Variants in PRDM16 observed in about 807,000 individuals in gnomAD.
The protein encoded by PRDM16 is histone-lysine N-methyltransferase PRDM16.
PRDM16 carries 23 observed loss-of-function variants against 110.6 expected under a neutral mutation model. The observed-to-expected ratio is 0.21, with a 90% CI of 0.15 to 0.29. The LOEUF is 0.29. PRDM16 is among the 10% of genes least tolerant of loss of function. The pLI is 1.00. For synonymous variants in PRDM16, 799 were observed against 781.8 expected (o/e 1.02, Z -0.37); for missense variants, 1,615 against 1,794.3 (o/e 0.90, Z 1.81).
intron 3 of PRDM16, among the ~76,000 whole-genome samples, chr1:3,277,916 A>G (rs541623620): frequency 1.3e-5 from 2 of 152,350 alleles, no homozygotes; most frequent in African/African-American, 2.4e-5. Context: ...ACTCATGCAC[A>G]TGAGCACACG....
chr1:3,129,461 G>A (rs575909022), intron 1 of PRDM16, among the ~76,000 whole-genome samples: 6 of 152,132 alleles, frequency 3.9e-5, no homozygotes, highest in African/African-American at 1.4e-4. Flanking sequence ...GTCTGTGTGT[G>A]CATGTGTGTG....
intron 3 of PRDM16, among the ~76,000 whole-genome samples, chr1:3,284,476 C>G (rs1366677203): frequency 6.6e-6 from 1 of 152,140 alleles, no homozygotes; most frequent in African/African-American, 2.4e-5. Context: ...TCCCGGTGGC[C>G]TAGGAGTCTG....
At chr1:3,193,128 G>A (rs1415482903) in intron 2 of PRDM16, among the ~76,000 whole-genome samples, 1 of 152,122 alleles carries the variant, frequency 6.6e-6, no homozygotes, top group Non-Finnish European at 1.5e-5. Context: ...ACAGCGGCCA[G>A]ACGACGAGTA....
intron 3 of PRDM16, among the ~76,000 whole-genome samples, chr1:3,256,150 A>G (rs1169767169): frequency 6.6e-6 from 1 of 152,202 alleles, no homozygotes. Context: ...ATAAGAGAAG[A>G]TAAACTGGCC....
chr1:3,074,292 A>T (rs1364610767), intron 1 of PRDM16, among the ~76,000 whole-genome samples: 1 of 152,200 alleles, frequency 6.6e-6, no homozygotes, highest in Non-Finnish European at 1.5e-5. Flanking sequence ...TTGGGAGGGC[A>T]CACAGCAGAT....
At chr1:3,078,040 CT>C (rs990420636) in intron 1 of PRDM16, among the ~76,000 whole-genome samples, 6 of 39,202 alleles carry the variant, frequency 1.5e-4, no homozygotes, top group Non-Finnish European at 2.4e-4. Flanking sequence ...CTCCTCTGTC[CT>C]TGCCTCTGTC....
At chr1:3,133,149 G>A (rs10909882) in intron 1 of PRDM16, 12,628 of 152,308 alleles carry the variant, frequency 0.083, 1,265 homozygotes, top group African/African-American at 0.23. Context: ...GGTGGTAACC[G>A]GCTTCTGGTG....
rs533303044 is a variant in PRDM16, at chr1:3,148,992, C to A, written c.38-37133C>A. Among the ~76,000 whole-genome samples the A allele has an allele frequency of 4.5e-4, 69 of 152,296 alleles. No homozygotes were observed. Among genetic ancestry groups the A allele is most frequent in the Admixed American group, 7.8e-4 (12 of 15,298 alleles). Reference sequence around the variant, plus strand: ...AGGGGGGTCATGGGAGCCCCCCATCCCAGGGGCCCTCCGGCTTTGGCCACC... The same window carrying A: ...AGGGGGGTCATGGGAGCCCCCCATCACAGGGGCCCTCCGGCTTTGGCCACC... On this transcript the variant is annotated intron_variant, in intron 1 of 16. Transcript: ENST00000270722. This position sits in a 1 kb window ranked among gnomAD's most constrained non-coding sequence, Gnocchi z 5.0.
chr1:3,242,901 G>A (rs769084578), intron 2 of PRDM16, among the ~76,000 whole-genome samples: 1 of 152,164 alleles, frequency 6.6e-6, no homozygotes, highest in Non-Finnish European at 1.5e-5. Context: ...ATACTCGACC[G>A]TGCATGGCCA....
At chr1:3,332,891 C>G (rs2100492231) in intron 3 of PRDM16, among the ~76,000 whole-genome samples, 1 of 152,344 alleles carries the variant, frequency 6.6e-6, no homozygotes, top group South Asian at 2.1e-4. Context: ...CCTGGCTTCT[C>G]TCACTACGCA....
chr1:3,173,218 T>C (rs1369497841), intron 1 of PRDM16, among the ~76,000 whole-genome samples: 2 of 152,146 alleles, frequency 1.3e-5, no homozygotes, highest in Admixed American at 1.3e-4. Context: ...GGAAGTGGTA[T>C]ATTAACCAAG....
chr1:3,191,424 C>G (rs1638307265), intron 2 of PRDM16, among the ~76,000 whole-genome samples: 1 of 152,174 alleles, frequency 6.6e-6, no homozygotes, highest in African/African-American at 2.4e-5. Flanking sequence ...TCCCCAGAGC[C>G]CACTGAGAGC....
rs1277253250 is a variant in PRDM16 at position 3,425,476 on chromosome 1, C to T, written c.2940-105C>T. The T allele has an allele frequency of 1.1e-5, 14 of 1,255,474 alleles. No homozygotes were observed. The highest frequency in any genetic ancestry group is 4.7e-5 in the East Asian group (2 of 42,204). 77.8% of individuals were successfully genotyped at this position (1,255,474 alleles called of 1,614,324 possible). A position where few individuals can be genotyped will look rare whatever the true frequency, so the allele number is the denominator to read the frequency against. On this transcript the variant is annotated intron_variant, in intron 12 of 16. Transcript: ENST00000270722. This position sits in a 1 kb window ranked among gnomAD's most constrained non-coding sequence, Gnocchi z 6.9. ...GGACACGGCGGGGCAAAGCTGTGCACGGGGCACGGGGCAGGGGCGCGGGCT... is the reference window on the plus strand; with the variant it reads ...GGACACGGCGGGGCAAAGCTGTGCATGGGGCACGGGGCAGGGGCGCGGGCT...
Position 3,241,013 on chromosome 1 carries a change from T to C in PRDM16, c.388-3074T>C, listed in dbSNP as rs1639659387. Reference sequence around the variant, plus strand: ...ATCGAGGAGCCAGCGGCGCGTGTGCTGAGGGCCCAGCTAGCAAAATAAAGA... The same window carrying C: ...ATCGAGGAGCCAGCGGCGCGTGTGCCGAGGGCCCAGCTAGCAAAATAAAGA... On this transcript the variant is annotated intron_variant, in intron 2 of 16. Coordinates refer to ENST00000270722, the MANE Select transcript of PRDM16 (RefSeq NM_022114.4). Among the ~76,000 whole-genome samples the C allele has an allele frequency of 2.0e-5, 3 of 152,358 alleles. No homozygotes were observed. In the South Asian group the frequency reaches 6.2e-4, roughly 32 times the overall value.
chr1:3,362,508 G>T (rs1282756854), intron 3 of PRDM16, among the ~76,000 whole-genome samples: 1 of 152,144 alleles, frequency 6.6e-6, no homozygotes, highest in African/African-American at 2.4e-5. Context: ...CAGCAGGGTG[G>T]GGCTCGGGTG....
intron 2 of PRDM16, among the ~76,000 whole-genome samples, chr1:3,235,134 C>T (rs866790980): frequency 6.6e-6 from 1 of 152,240 alleles, no homozygotes; most frequent in African/African-American, 2.4e-5. Flanking sequence ...GCCCTGCCTG[C>T]AGGTCCTGGG....
intron 1 of PRDM16, among the ~76,000 whole-genome samples, chr1:3,108,659 G>A (rs1569572424): frequency 6.6e-6 from 1 of 152,192 alleles, no homozygotes. Flanking sequence ...ACAGAGAGAT[G>A]GTGCCTCTGG....
At chr1:3,264,752 G>A (rs540671783) in intron 3 of PRDM16, among the ~76,000 whole-genome samples, 11 of 152,030 alleles carry the variant, frequency 7.2e-5, no homozygotes, top group Non-Finnish European at 1.5e-4. Context: ...AGTCCCTGGG[G>A]TGCTGACAGG....
intron 3 of PRDM16, among the ~76,000 whole-genome samples, chr1:3,354,617 C>T (rs1642557245): frequency 6.6e-6 from 1 of 152,160 alleles, no homozygotes; most frequent in African/African-American, 2.4e-5. Flanking sequence ...CCACCTTCTC[C>T]AGGCTGGGGT....
Sources: allele counts gnomAD v4.1 joint callset (sites outside exome capture counted in the v4.1 genomes callset), GRCh38; gene constraint gnomAD v4.1.1; non-coding constraint Gnocchi (gnomAD v3.1); transcripts MANE v1.5; gene names NCBI Gene and HGNC (gene_info 2026-07-23, HGNC 2026-07-21).